The following PCDH7 variants were observed in gnomAD, a reference collection of about 807,000 sequenced individuals.
PCDH7 encodes protocadherin 7.
A neutral mutation model predicts 58.9 loss-of-function variants in PCDH7; 17 were observed. The ratio of observed to expected loss-of-function variants is 0.29; its 90% CI spans 0.20 to 0.43. The LOEUF (loss-of-function observed/expected upper bound fraction) is 0.43. Among genes scored for constraint, PCDH7 ranks in the 20% least tolerant of loss-of-function variants. PCDH7 has a pLI of 1.00. For missense variants in PCDH7, 1,274 were observed against 1,441.0 expected, an observed-to-expected ratio of 0.88 and a Z score of 1.88; for synonymous variants, 664 against 616.4, an observed-to-expected ratio of 1.08 and a Z score of -1.14.
At chr4:31,023,125 G>C (rs1201628448) in intron 3 of PCDH7, among the ~76,000 whole-genome samples, 1 of 152,184 alleles carries the variant, frequency 6.6e-6, no homozygotes, top group Non-Finnish European at 1.5e-5. Flanking sequence ...AATTTAAGGA[G>C]ATAGTGGGCT....
intron 3 of PCDH7, among the ~76,000 whole-genome samples, chr4:30,972,587 T>C (rs1749687153): frequency 6.6e-6 from 1 of 152,202 alleles, no homozygotes; most frequent in African/African-American, 2.4e-5. Flanking sequence ...TAATCAAGAC[T>C]ATTATAATGC....
At chr4:30,738,200 G>T (rs149005514) in intron 1 of PCDH7, among the ~76,000 whole-genome samples, 160 of 152,184 alleles carry the variant, frequency 1.1e-3, no homozygotes, top group African/African-American at 3.7e-3. Context: ...AGAATACAGG[G>T]CATGATTTAG....
chr4:31,134,253 A>T (rs1373778076), intron 3 of PCDH7, among the ~76,000 whole-genome samples: 1 of 152,048 alleles, frequency 6.6e-6, no homozygotes, highest in Non-Finnish European at 1.5e-5. Flanking sequence ...TGAGGTCAGG[A>T]GATCGAGACC....
At chr4:30,808,089 T>C (rs1726484734) in intron 1 of PCDH7, among the ~76,000 whole-genome samples, 1 of 152,098 alleles carries the variant, frequency 6.6e-6, no homozygotes, top group East Asian at 1.9e-4. Context: ...GATCCAAACA[T>C]GTACTAAGGT....
At chr4:30,803,841 G>A (rs1031739529) in intron 1 of PCDH7, among the ~76,000 whole-genome samples, 1 of 152,188 alleles carries the variant, frequency 6.6e-6, no homozygotes, top group African/African-American at 2.4e-5. Flanking sequence ...CTGAAATAAA[G>A]CAGTGGAACA....
chr4:31,146,097 C>A (rs1720655292), downstream of PCDH7: 1 of 152,020 alleles, frequency 6.6e-6, no homozygotes, highest in South Asian at 2.1e-4. Flanking sequence ...TTCTGACTGG[C>A]CTGCTGCCTG....
intron 3 of PCDH7, among the ~76,000 whole-genome samples, chr4:30,975,474 T>C (rs1749988642): frequency 6.6e-6 from 1 of 152,206 alleles, no homozygotes; most frequent in Non-Finnish European, 1.5e-5. Context: ...CTGTGTTTTC[T>C]AAATCCTAGA....
chr4:30,829,973 A>G (rs1392644185), intron 1 of PCDH7, among the ~76,000 whole-genome samples: 1 of 152,136 alleles, frequency 6.6e-6, no homozygotes. Context: ...TTGCACATCT[A>G]GCTAATCAGA....
At chr4:30,952,836 A>G (rs1747496120) in intron 3 of PCDH7, among the ~76,000 whole-genome samples, 1 of 152,162 alleles carries the variant, frequency 6.6e-6, no homozygotes, top group Admixed American at 6.6e-5. Flanking sequence ...GAACTAAAAT[A>G]GTTGTGCCTA....
intron 2 of PCDH7, among the ~76,000 whole-genome samples, chr4:30,938,686 A>G (rs1207229844): frequency 6.6e-6 from 1 of 152,150 alleles, no homozygotes; most frequent in East Asian, 1.9e-4. Flanking sequence ...ATATTGAGAT[A>G]TTTTTATATT....
intron 3 of PCDH7, among the ~76,000 whole-genome samples, chr4:31,072,087 T>C (rs1017623206): frequency 6.6e-6 from 1 of 152,002 alleles, no homozygotes; most frequent in African/African-American, 2.4e-5. Flanking sequence ...GGCTGCACAC[T>C]AGCACACCTC....
intron 1 of PCDH7, among the ~76,000 whole-genome samples, chr4:30,882,287 G>T (rs1018004077): frequency 6.6e-6 from 1 of 151,402 alleles, no homozygotes. Flanking sequence ...CTTGGAGAAA[G>T]GGTCTTGTTC....
At chr4:30,935,143 G>A (rs1208035466) in intron 2 of PCDH7, among the ~76,000 whole-genome samples, 2 of 151,930 alleles carry the variant, frequency 1.3e-5, no homozygotes, top group African/African-American at 4.8e-5. Context: ...AGTATATTTA[G>A]TTATTTATAG....
intron 3 of PCDH7, among the ~76,000 whole-genome samples, chr4:31,137,969 A>T (rs1719814460): frequency 1.3e-5 from 2 of 152,272 alleles, no homozygotes; most frequent in South Asian, 4.2e-4. Flanking sequence ...TTCTGACAGG[A>T]TGCAAAACTC....
intron 1 of PCDH7, among the ~76,000 whole-genome samples, chr4:30,730,493 G>GA (rs1424333598): frequency 6.6e-6 from 1 of 152,108 alleles, no homozygotes; most frequent in African/African-American, 2.4e-5. Flanking sequence ...TTATTTTCAG[G>GA]AATGTAGTGA....
intron 3 of PCDH7, among the ~76,000 whole-genome samples, chr4:31,055,267 T>G (rs1757059038): frequency 6.6e-6 from 1 of 152,140 alleles, no homozygotes; most frequent in Non-Finnish European, 1.5e-5. Context: ...TATTTTCAGT[T>G]TTTTAGAGCA....
intron 1 of PCDH7, among the ~76,000 whole-genome samples, chr4:30,810,886 A>G (rs1324317157): frequency 2.6e-5 from 4 of 152,194 alleles, no homozygotes; most frequent in Admixed American, 6.5e-5. Flanking sequence ...CTGAGATTAC[A>G]GGTGTGAGCC....
intron 1 of PCDH7, among the ~76,000 whole-genome samples, chr4:30,850,658 A>G (rs1732615423): frequency 6.6e-6 from 1 of 151,958 alleles, no homozygotes; most frequent in Admixed American, 6.6e-5. Flanking sequence ...TGGTGTCCAT[A>G]TTTGAGGCAT....
At chr4:31,115,471 A>G (rs1417737399) in intron 3 of PCDH7, among the ~76,000 whole-genome samples, 2 of 151,936 alleles carry the variant, frequency 1.3e-5, no homozygotes, top group African/African-American at 4.8e-5. Context: ...AGAATTCTTT[A>G]TTTTCCGCTC....
Sources: allele counts gnomAD v4.1 joint callset (sites outside exome capture counted in the v4.1 genomes callset), GRCh38; gene constraint gnomAD v4.1.1; transcripts MANE v1.5; gene names NCBI Gene and HGNC (gene_info 2026-07-23, HGNC 2026-07-21).